Variants in CELF2 observed in about 807,000 individuals in gnomAD.
CELF2 encodes CUG triplet repeat RNA-binding protein 2.
Under a neutral mutation model 62.6 loss-of-function variants are expected in CELF2, and 8 were observed. The ratio of observed to expected loss-of-function variants is 0.13; its 90% CI spans 0.07 to 0.23. The LOEUF is 0.23. CELF2 is among the 10% of genes least tolerant of loss of function. The probability of loss-of-function intolerance (pLI) is 1.00; values close to 1 mark genes in which losing one functional copy is unlikely to be tolerated. For synonymous variants in CELF2, 258 were observed against 250.0 expected, an observed-to-expected ratio of 1.03 and a Z score of -0.30; for missense variants, 333 against 671.0, an observed-to-expected ratio of 0.50 and a Z score of 5.56.
At chr10:10,836,021 G>A (rs1483020622) in intron 1 of CELF2, among the ~76,000 whole-genome samples, 1 of 152,192 alleles carries the variant, frequency 6.6e-6, no homozygotes, top group Non-Finnish European at 1.5e-5. Flanking sequence ...GGACATGTCA[G>A]CGTTGAGATA....
the CELF2 span, among the ~76,000 whole-genome samples, chr10:10,495,031 C>G: frequency 6.6e-6 from 1 of 152,234 alleles, no homozygotes; most frequent in Non-Finnish European, 1.5e-5. Context: ...AATCCCAGCA[C>G]TTTGGGAGGC....
intron 1 of CELF2, among the ~76,000 whole-genome samples, chr10:10,844,449 A>G (rs1391991804): frequency 6.6e-6 from 1 of 152,028 alleles, no homozygotes; most frequent in Non-Finnish European, 1.5e-5. Flanking sequence ...AAAAAAATGA[A>G]CTCTTTAAGA....
chr10:11,159,384 G>C lies in CELF2; in HGVS notation c.75-6102G>C, dbSNP rs561879320. Among the ~76,000 whole-genome samples, 46 of 152,206 alleles carry C rather than the reference G, an allele frequency of 3.0e-4. No homozygotes were observed. The highest frequency in any genetic ancestry group is 1.0e-3 in the African/African-American group (42 of 41,452). ...CGAAAGGCAGTCATGGAAGACAGAC[G>C]CGTTTTTCATGATGACTGTGAAGCA... On this transcript the variant is annotated intron_variant, in intron 1 of 12. Transcript: ENST00000633077. This position sits in a 1 kb window ranked among gnomAD's most constrained non-coding sequence, Gnocchi z 5.0.
intron 2 of CELF2, chr10:10,937,314 T>G (rs1052215093): frequency 7.9e-5 from 12 of 151,958 alleles, no homozygotes; most frequent in Non-Finnish European, 1.6e-4. Context: ...GTATTTTTAG[T>G]AGAGACAGGG....
the CELF2 span, among the ~76,000 whole-genome samples, chr10:10,722,660 A>G: frequency 6.6e-6 from 1 of 152,264 alleles, no homozygotes; most frequent in Non-Finnish European, 1.5e-5. Context: ...AAAAGCAGCA[A>G]CATGTGACTT....
chr10:11,253,907 G>GTT (rs1463561947), intron 4 of CELF2, among the ~76,000 whole-genome samples: 2 of 152,156 alleles, frequency 1.3e-5, no homozygotes, highest in South Asian at 4.2e-4. Context: ...CCCTTCAAGT[G>GTT]TTTTTTTGTT....
At chr10:11,320,811 G>C in intron 10 of CELF2, 1 of 1,512,928 alleles carries the variant, frequency 6.6e-7, no homozygotes, top group Non-Finnish European at 8.8e-7. Context: ...GATGTTACAG[G>C]CCTCTGCTAC....
intron 1 of CELF2, among the ~76,000 whole-genome samples, chr10:11,064,353 A>G (rs1474873604): frequency 1.3e-5 from 2 of 152,152 alleles, no homozygotes; most frequent in Non-Finnish European, 2.9e-5. Flanking sequence ...CTCCCTTCAG[A>G]GTGGTCTGTG....
chr10:10,467,930 T>C, the CELF2 span, among the ~76,000 whole-genome samples: 1 of 152,102 alleles, frequency 6.6e-6, no homozygotes, highest in African/African-American at 2.4e-5. Context: ...TTATAAGAAA[T>C]GATACCAGCC....
the CELF2 span, among the ~76,000 whole-genome samples, chr10:10,576,173 G>C: frequency 1.3e-5 from 2 of 152,090 alleles, no homozygotes; most frequent in South Asian, 2.1e-4. Flanking sequence ...ATCCCTCTAG[G>C]GAGCTAGAGA....
the CELF2 span, among the ~76,000 whole-genome samples, chr10:10,696,381 C>G: frequency 4.0e-5 from 6 of 151,798 alleles, no homozygotes; most frequent in South Asian, 2.1e-4. Context: ...CAGCTGCATG[C>G]TGGGAGAACC....
intron 1 of CELF2, among the ~76,000 whole-genome samples, chr10:11,080,158 C>T (rs1230976235): frequency 6.6e-6 from 1 of 152,144 alleles, no homozygotes; most frequent in East Asian, 1.9e-4. Context: ...CCTCTCACAA[C>T]CTCAATTTCC....
In CELF2 at chr10:11,204,559, G is replaced by A. The variant is rs117620825; in HGVS notation, c.272-12866G>A. ...CCATGCCTTGTCGGGGGCCGGTGGG[G>A]GGACCCAGGAAGCGTAAGAGGTAGC... is the stretch of plus-strand genomic sequence containing the variant. On this transcript the variant is annotated intron_variant, in intron 2 of 12. Transcript: ENST00000633077. Among the ~76,000 whole-genome samples, 974 of 152,348 alleles carry A rather than the reference G, an allele frequency of 6.4e-3. 6 individuals carry two copies. The highest frequency in any genetic ancestry group is 0.014 in the Middle Eastern group (4 of 294).
At position 11,268,907 on chromosome 10, in the gene CELF2, T is replaced by G. The variant is rs993245458; in HGVS notation, c.619-1759T>G. Among the ~76,000 whole-genome samples the G allele has an allele frequency of 3.3e-5, 5 of 152,260 alleles. No individual in the cohort carries two copies. The highest frequency in any genetic ancestry group is 7.3e-5 in the Non-Finnish European group (5 of 68,050). ...ACAATTAATTTTATATCGTGCCTTCTGTTTCTCCACTTGCCTTCACTCTAT... is the reference window on the plus strand; with the variant it reads ...ACAATTAATTTTATATCGTGCCTTCGGTTTCTCCACTTGCCTTCACTCTAT... On this transcript the variant is annotated intron_variant, in intron 6 of 12. Coordinates refer to ENST00000633077, the MANE Select transcript of CELF2 (RefSeq NM_001326342.2). The surrounding 1 kb of genome is among the most constrained non-coding windows in gnomAD (Gnocchi z 4.7).
At chr10:10,819,707 C>CG (rs2056796310) in intron 1 of CELF2, among the ~76,000 whole-genome samples, 2 of 152,172 alleles carry the variant, frequency 1.3e-5, no homozygotes, top group African/African-American at 4.8e-5. Context: ...TCCAAGATGT[C>CG]AAGCAGCTCT....
intron 3 of CELF2, among the ~76,000 whole-genome samples, chr10:11,228,339 C>A (rs79598212): frequency 0.029 from 4,461 of 152,210 alleles, 222 homozygotes; most frequent in African/African-American, 0.1. Flanking sequence ...ACATAAAAAA[C>A]AAATAAGGTA....
At chr10:11,049,516 C>A (rs187796990) in intron 1 of CELF2, among the ~76,000 whole-genome samples, 2 of 140,764 alleles carry the variant, frequency 1.4e-5, no homozygotes, top group African/African-American at 2.6e-5. Context: ...CATTCCTGTT[C>A]CCTTTTTCTC....
At chr10:10,567,695 C>T in the CELF2 span, among the ~76,000 whole-genome samples, 1 of 152,074 alleles carries the variant, frequency 6.6e-6, no homozygotes, top group Non-Finnish European at 1.5e-5. Flanking sequence ...ATTAGCAACC[C>T]CCTACCCTGA....
intron 1 of CELF2, among the ~76,000 whole-genome samples, chr10:11,067,824 T>G (rs1266723194): frequency 6.6e-6 from 1 of 152,226 alleles, no homozygotes; most frequent in Non-Finnish European, 1.5e-5. Flanking sequence ...GGCAAGTTAT[T>G]TAACCTTCTA....
Sources: allele counts gnomAD v4.1 joint callset (sites outside exome capture counted in the v4.1 genomes callset), GRCh38; gene constraint gnomAD v4.1.1; non-coding constraint Gnocchi (gnomAD v3.1); transcripts MANE v1.5; gene names NCBI Gene and HGNC (gene_info 2026-07-23, HGNC 2026-07-21).